CTNNA1: variants seen among roughly 807,000 people sequenced by gnomAD.
The protein encoded by CTNNA1 is catenin alpha-1.
In CTNNA1, 37 loss-of-function variants were observed where a neutral mutation model predicts 98.4. The observed-to-expected ratio is 0.38, with a 90% CI of 0.29 to 0.49. The LOEUF (loss-of-function observed/expected upper bound fraction) is 0.49, where lower values mean the gene tolerates loss of function less well. CTNNA1 is among the 20% of genes least tolerant of loss of function. CTNNA1 has a pLI of 0.95. For synonymous variants in CTNNA1, 404 were observed against 413.2 expected, an observed-to-expected ratio of 0.98 and a Z score of 0.27; for missense variants, 761 against 1,147.2, an observed-to-expected ratio of 0.66 and a Z score of 4.86.
At chr5:138,924,485 A>C (rs762042606) in intron 11 of CTNNA1, 25 bp from the exon 12 acceptor site, 1 of 1,613,000 alleles carries the variant, frequency 6.2e-7, no homozygotes, top group Admixed American at 1.7e-5. Context: ...CTCCTTCCTC[A>C]TTCAACTTTT....
At chr5:138,868,150 C>T (rs577808854) in intron 7 of CTNNA1, among the ~76,000 whole-genome samples, 2 of 152,082 alleles carry the variant, frequency 1.3e-5, no homozygotes, top group Admixed American at 6.6e-5. Flanking sequence ...TTTTGACTGA[C>T]GGTATTAAAT....
At chr5:138,869,623 G>C (rs541145867) in intron 7 of CTNNA1, 14 of 152,504 alleles carry the variant, frequency 9.2e-5, no homozygotes, top group African/African-American at 2.9e-4. Flanking sequence ...AAAATGAAAT[G>C]CCTGTTTTGA....
At chr5:138,818,536 G>A (rs1581143792) in intron 5 of CTNNA1, among the ~76,000 whole-genome samples, 2 of 152,246 alleles carry the variant, frequency 1.3e-5, no homozygotes, top group South Asian at 4.2e-4. Flanking sequence ...TTGGATTTTA[G>A]TGTGCTGGTT....
In CTNNA1 at chr5:138,934,298, A is replaced by G. The variant is rs947976820; in HGVS notation, c.*209A>G. On this transcript the variant is annotated 3_prime_UTR_variant, in exon 18 of 18. Coordinates refer to ENST00000302763, the MANE Select transcript of CTNNA1 (RefSeq NM_001903.5). Reference sequence around the variant, plus strand: ...AATGCAGGAGCCTACTTCTAGCTGTATTTTTTGTATGCTTAAATAAAAATA... The same window carrying G: ...AATGCAGGAGCCTACTTCTAGCTGTGTTTTTTGTATGCTTAAATAAAAATA... The G allele has an allele frequency of 5.4e-5, 29 of 534,992 alleles. No individual in the cohort carries two copies. The highest frequency in any genetic ancestry group is 1.1e-4 in the Admixed American group (3 of 28,210). The allele number at this position is 534,992 out of a possible 1,614,324, so 33.1% of individuals were successfully genotyped here.
chr5:138,933,130 TCAAAACAAAA>T (rs111468170), intron 17 of CTNNA1, among the ~76,000 whole-genome samples: 1 of 152,128 alleles, frequency 6.6e-6, no homozygotes, highest in Non-Finnish European at 1.5e-5. Context: ...CAAGACTGTC[TCAAAACAAAA>T]CGAAACAACA....
rs576969277 is a variant in CTNNA1 at position 138,845,657 on chromosome 5, A to G, written c.1062+17939A>G. On this transcript the variant is annotated intron_variant, in intron 7 of 17. Coordinates refer to ENST00000302763, the MANE Select transcript of CTNNA1 (RefSeq NM_001903.5). Reference sequence around the variant, plus strand: ...TGCCTTGGTCCCCCTTTTCATAAACAGGAATTATCTGAAGAGTCTTGTGGA... The same window carrying G: ...TGCCTTGGTCCCCCTTTTCATAAACGGGAATTATCTGAAGAGTCTTGTGGA... Among the ~76,000 whole-genome samples, 11 of 152,368 alleles carry G rather than the reference A, an allele frequency of 7.2e-5. No individual in the cohort carries two copies. In the South Asian group the frequency reaches 2.1e-3, roughly 29 times the overall value.
intron 7 of CTNNA1, 64 bp from the exon 8 acceptor site, chr5:138,886,148 T>C (rs1753973253): frequency 2.6e-6 from 4 of 1,562,142 alleles, no homozygotes; most frequent in Non-Finnish European, 3.5e-6. Context: ...CACAAATGGC[T>C]ATAGGCTATC....
chr5:138,810,744 C>A (rs541550299), intron 4 of CTNNA1, among the ~76,000 whole-genome samples: 2 of 152,118 alleles, frequency 1.3e-5, no homozygotes, highest in South Asian at 4.1e-4. Context: ...CCACCTTTCC[C>A]CCCTTTCTAT....
chr5:138,908,819 G>A (rs759430601), intron 10 of CTNNA1, among the ~76,000 whole-genome samples: 1 of 151,984 alleles, frequency 6.6e-6, no homozygotes. Context: ...TCTACTTGAT[G>A]GCTACTTTCT....
intron 1 of CTNNA1, among the ~76,000 whole-genome samples, chr5:138,774,599 CTGTTGTGCA>C (rs1425485723): frequency 6.6e-6 from 1 of 151,728 alleles, no homozygotes; most frequent in Non-Finnish European, 1.5e-5. Context: ...CATTATTGTG[CTGTTGTGCA>C]TATTGTGCTG....
intron 7 of CTNNA1, among the ~76,000 whole-genome samples, chr5:138,867,484 G>GC (rs934426096): frequency 2.0e-5 from 3 of 152,214 alleles, no homozygotes; most frequent in Admixed American, 2.0e-4. Context: ...TCTGTAGCAA[G>GC]CCAAGGACAT....
intron 9 of CTNNA1, among the ~76,000 whole-genome samples, chr5:138,897,610 T>C (rs1173589080): frequency 1.3e-5 from 2 of 152,122 alleles, no homozygotes; most frequent in Non-Finnish European, 2.9e-5. Context: ...GATTATGGAA[T>C]GTTTTCACGA....
At chr5:138,927,486 C>T (rs1047573305) in intron 13 of CTNNA1, among the ~76,000 whole-genome samples, 4 of 151,764 alleles carry the variant, frequency 2.6e-5, no homozygotes, top group Non-Finnish European at 5.9e-5. Context: ...CCCCTTCCCC[C>T]TCCTTGAGAG....
At chr5:138,893,177 T>G (rs933509761) in intron 9 of CTNNA1, among the ~76,000 whole-genome samples, 2 of 152,164 alleles carry the variant, frequency 1.3e-5, no homozygotes, top group African/African-American at 4.8e-5. Flanking sequence ...GGAACACCTG[T>G]TCCGGGGTCT....
chr5:138,897,945 C>G (rs2150103103), intron 9 of CTNNA1, among the ~76,000 whole-genome samples: 1 of 152,336 alleles, frequency 6.6e-6, no homozygotes, highest in South Asian at 2.1e-4. Flanking sequence ...AACCTTTGCT[C>G]TGTTCCAGAA....
At chr5:138,879,171 TAAA>T (rs35271091) in intron 7 of CTNNA1, among the ~76,000 whole-genome samples, 25 of 80,318 alleles carry the variant, frequency 3.1e-4, no homozygotes, top group Admixed American at 8.2e-4. Context: ...ACTCCGTCTT[TAAA>T]AAAAAAAAAA....
chr5:138,877,858 CTT>C (rs1200297965), intron 7 of CTNNA1, among the ~76,000 whole-genome samples: 2 of 152,184 alleles, frequency 1.3e-5, no homozygotes, highest in African/African-American at 4.8e-5. Context: ...GGATTAAACT[CTT>C]CTCTCAAGTA....
Position 138,887,478 on chromosome 5 carries a change from T to A in CTNNA1, c.1144-12T>A. On this transcript the variant is annotated splice_polypyrimidine_tract_variant and intron_variant, in intron 8 of 17. Coordinates refer to ENST00000302763, the MANE Select transcript of CTNNA1 (RefSeq NM_001903.5). ...TAGAAATAAAATCAAATTTTTACAA[T>A]TTAATCATTAGCTCCGCAAAGCTGT... 6.3e-7 allele frequency: 1 copy of A among 1,575,140 alleles called. No homozygotes were observed. The highest frequency in any genetic ancestry group is 8.6e-7 in the Non-Finnish European group (1 of 1,163,046).
chr5:138,933,252 A>G (rs1765795595), intron 17 of CTNNA1, among the ~76,000 whole-genome samples: 1 of 152,170 alleles, frequency 6.6e-6, no homozygotes, highest in African/African-American at 2.4e-5. Context: ...GTGCTTGGGT[A>G]GCGTCTCTTT....
Sources: gnomAD v4.1 joint callset for allele counts (sites outside exome capture counted in the v4.1 genomes callset) on GRCh38, gnomAD v4.1.1 for gene constraint, MANE v1.5 for transcripts, NCBI Gene and HGNC (gene_info 2026-07-23, HGNC 2026-07-21) for gene names.